The following PLA2G5 variants were observed in gnomAD, a reference collection of about 807,000 sequenced individuals.
PLA2G5 encodes phospholipase A2 group V.
Under a neutral mutation model 15.9 loss-of-function variants are expected in PLA2G5, and 12 were observed. The ratio of observed to expected loss-of-function variants is 0.76; its 90% CI spans 0.48 to 1.23. The LOEUF is 1.23. PLA2G5 is among the 50% of genes most tolerant of loss of function. The probability of loss-of-function intolerance (pLI) is 0.00; values close to 1 mark genes in which losing one functional copy is unlikely to be tolerated. For missense variants in PLA2G5, 169 were observed against 177.1 expected (o/e 0.95, Z 0.26); for synonymous variants, 71 against 71.4 (o/e 0.99, Z 0.03).
chr1:20,068,747 G>T, upstream of PLA2G5: 1 of 331,542 alleles, frequency 3.0e-6, no homozygotes, highest in East Asian at 8.7e-5. Flanking sequence ...CCCCACGCCC[G>T]GCCAAAAGTT....
Position 20,090,909 on chromosome 1 carries a change from C to CA in PLA2G5, c.*217_*218insA. The CA allele has an allele frequency of 2.0e-6, 1 of 498,356 alleles. No homozygotes were observed. Among genetic ancestry groups the CA allele is most frequent in the Non-Finnish European group, 3.6e-6 (1 of 279,382 alleles). The allele number at this position is 498,356 out of a possible 1,614,324, so 30.9% of individuals were successfully genotyped here. A position where few individuals can be genotyped will look rare whatever the true frequency, so the allele number is the denominator to read the frequency against. ...TTGGTAGGGTCCCAGGGTCCCTAGG[C>CA]CTCCACTTCTGAGGGCAGCCCCTCT... On this transcript the variant is annotated 3_prime_UTR_variant, in exon 5 of 5. Transcript: ENST00000375108.
intron 2 of PLA2G5, among the ~76,000 whole-genome samples, chr1:20,064,352 T>C (rs1238494822): frequency 6.6e-6 from 1 of 152,154 alleles, no homozygotes; most frequent in African/African-American, 2.4e-5. Flanking sequence ...GGCAGGCAGA[T>C]GATTTGAGGT....
intron 1 of PLA2G5, chr1:20,028,827 G>A (rs1235320251): frequency 2.0e-5 from 3 of 152,240 alleles, no homozygotes; most frequent in African/African-American, 7.2e-5. Flanking sequence ...AAACAAGAAA[G>A]GTTCCCTCAT....
chr1:20,079,855 GAGA>G (rs1348470813), intron 1 of PLA2G5, among the ~76,000 whole-genome samples: 3 of 152,172 alleles, frequency 2.0e-5, no homozygotes, highest in East Asian at 1.9e-4. Context: ...CCTTCCCTGA[GAGA>G]AGAACTGTAG....
At chr1:20,080,234 G>A (rs935491710) in intron 1 of PLA2G5, among the ~76,000 whole-genome samples, 3 of 152,094 alleles carry the variant, frequency 2.0e-5, no homozygotes, top group Non-Finnish European at 4.4e-5. Flanking sequence ...CCTGGATCGA[G>A]GGTGGCCCAA....
At chr1:20,037,094 A>T (rs1340820590) in intron 1 of PLA2G5, among the ~76,000 whole-genome samples, 1 of 152,134 alleles carries the variant, frequency 6.6e-6, no homozygotes, top group Non-Finnish European at 1.5e-5. Context: ...ATTGGTGGTG[A>T]GCTAGTGTGA....
At chr1:20,062,685 C>A (rs2014793582) in intron 2 of PLA2G5, among the ~76,000 whole-genome samples, 1 of 152,022 alleles carries the variant, frequency 6.6e-6, no homozygotes, top group Admixed American at 6.5e-5. Flanking sequence ...GGGGAGGTGG[C>A]ACACTGCTGT....
intron 1 of PLA2G5, among the ~76,000 whole-genome samples, chr1:20,032,731 C>G (rs764798416): frequency 6.6e-6 from 1 of 152,170 alleles, no homozygotes; most frequent in African/African-American, 2.4e-5. Context: ...TAAAACCATC[C>G]TCCTTCCTGA....
chr1:20,031,874 T>G (rs2012969171), intron 1 of PLA2G5, among the ~76,000 whole-genome samples: 1 of 152,004 alleles, frequency 6.6e-6, no homozygotes, highest in African/African-American at 2.4e-5. Context: ...GGGAGGTGTG[T>G]TTTGATGATG....
chr1:20,039,424 A>G (rs1334236622), intron 1 of PLA2G5, among the ~76,000 whole-genome samples: 1 of 152,220 alleles, frequency 6.6e-6, no homozygotes, highest in African/African-American at 2.4e-5. Context: ...AGAGGACAAA[A>G]CAAGGATTAA....
chr1:20,055,684 T>C (rs960721886), intron 1 of PLA2G5, among the ~76,000 whole-genome samples: 1 of 152,242 alleles, frequency 6.6e-6, no homozygotes. Context: ...GCTTTGGGAC[T>C]AGCAGTGACC....
intron 1 of PLA2G5, among the ~76,000 whole-genome samples, chr1:20,084,525 C>A (rs1315571964): frequency 6.6e-6 from 1 of 152,166 alleles, no homozygotes; most frequent in Non-Finnish European, 1.5e-5. Flanking sequence ...TTCTCTGGTC[C>A]CTTTTAGCCA....
At chr1:20,064,386 C>A (rs1325676972) in intron 2 of PLA2G5, among the ~76,000 whole-genome samples, 1 of 151,926 alleles carries the variant, frequency 6.6e-6, no homozygotes, top group Non-Finnish European at 1.5e-5. Context: ...CCAGCCTGAC[C>A]AACATGGTGA....
chr1:20,069,874 AGTTTTACT>A (rs2015255682), upstream of PLA2G5, among the ~76,000 whole-genome samples: 1 of 151,994 alleles, frequency 6.6e-6, no homozygotes, highest in South Asian at 2.1e-4. Flanking sequence ...TATATTAGAT[AGTTTTACT>A]GTATACTAGA....
At chr1:20,038,578 C>A (rs935043517) in intron 1 of PLA2G5, among the ~76,000 whole-genome samples, 1 of 152,028 alleles carries the variant, frequency 6.6e-6, no homozygotes, top group African/African-American at 2.4e-5. Flanking sequence ...TTGCTTGAGT[C>A]CAGGAGTTTG....
intron 1 of PLA2G5, among the ~76,000 whole-genome samples, chr1:20,072,426 G>A (rs2015425988): frequency 6.6e-6 from 1 of 152,160 alleles, no homozygotes; most frequent in Non-Finnish European, 1.5e-5. Flanking sequence ...TTACAAAGAT[G>A]AGTAGGAGTT....
upstream of PLA2G5, among the ~76,000 whole-genome samples, chr1:20,067,151 T>C (rs1041199949): frequency 2.3e-4 from 35 of 152,114 alleles, no homozygotes; most frequent in African/African-American, 8.4e-4. Context: ...CACACCACCA[T>C]GCCCAAGTAC....
chr1:20,045,825 A>C (rs904905452), intron 1 of PLA2G5, among the ~76,000 whole-genome samples: 1 of 152,188 alleles, frequency 6.6e-6, no homozygotes, highest in African/African-American at 2.4e-5. Context: ...GATGAAATAA[A>C]CAGCTTTATT....
At chr1:20,036,671 C>T (rs1483013054) in intron 1 of PLA2G5, among the ~76,000 whole-genome samples, 1 of 151,616 alleles carries the variant, frequency 6.6e-6, no homozygotes, top group Non-Finnish European at 1.5e-5. Flanking sequence ...AAATTTCTTT[C>T]TTTTTTTTGT....
Sources: allele counts gnomAD v4.1 joint callset (sites outside exome capture counted in the v4.1 genomes callset), GRCh38; gene constraint gnomAD v4.1.1; transcripts MANE v1.5; gene names NCBI Gene and HGNC (gene_info 2026-07-23, HGNC 2026-07-21).